ASIC2: variants seen among roughly 807,000 people sequenced by gnomAD.
ASIC2 encodes acid sensing ion channel subunit 2.
In ASIC2, 25 loss-of-function variants were observed where a neutral mutation model predicts 57.3. That is an observed-to-expected ratio of 0.44 (90% CI 0.32 to 0.61). ASIC2 has a LOEUF of 0.61. ASIC2 is among the 20% of genes least tolerant of loss of function. ASIC2 has a pLI of 0.06. For missense variants in ASIC2, 641 were observed against 738.1 expected (o/e 0.87, Z 1.52); for synonymous variants, 319 against 307.5 (o/e 1.04, Z -0.39).
At chr17:33,591,301 G>A (rs1271057574) in intron 1 of ASIC2, among the ~76,000 whole-genome samples, 1 of 152,140 alleles carries the variant, frequency 6.6e-6, no homozygotes, top group East Asian at 1.9e-4. Context: ...AGAGTCCCTG[G>A]ACCACTCTAG....
In ASIC2 at chr17:33,824,547, T is replaced by C. The variant is rs144003578; in HGVS notation, c.555+331431A>G. Among the ~76,000 whole-genome samples the C allele has an allele frequency of 2.6e-3, 399 of 152,320 alleles. 1 individual carries two copies. Among genetic ancestry groups the C allele is most frequent in the African/African-American group, 9.4e-3 (390 of 41,572 alleles). ...ATTGAAATATCACTCCTGCAACTTA[T>C]TTGCTGGTTAACCTTGGGCAAATCA... On this transcript the variant is annotated intron_variant, in intron 1 of 9. Coordinates refer to the ASIC2 transcript ENST00000359872.
At chr17:33,565,757 G>A (rs1240583151) in intron 1 of ASIC2, 2 of 152,252 alleles carry the variant, frequency 1.3e-5, no homozygotes, top group African/African-American at 4.8e-5. Context: ...TCTCTTCTAA[G>A]AGACTCATAA....
intron 1 of ASIC2, among the ~76,000 whole-genome samples, chr17:33,782,681 A>G (rs888152762): frequency 3.3e-5 from 5 of 152,226 alleles, no homozygotes; most frequent in Admixed American, 2.6e-4. Context: ...CTGAGCTGAG[A>G]TCATACCACT....
intron 1 of ASIC2, among the ~76,000 whole-genome samples, chr17:33,708,033 C>T (rs1270816080): frequency 1.3e-5 from 2 of 152,174 alleles, no homozygotes; most frequent in African/African-American, 2.4e-5. Context: ...TTATAAGTTC[C>T]TCTGGGTCAA....
intron 5 of ASIC2, 49 bp from the exon 6 acceptor site, chr17:33,024,063 T>A: frequency 6.2e-7 from 1 of 1,609,860 alleles, no homozygotes; most frequent in Non-Finnish European, 8.5e-7. Context: ...GCACTGGGAT[T>A]TCTAAGGGTC....
At chr17:33,915,254 C>T (rs1006193081) in intron 1 of ASIC2, among the ~76,000 whole-genome samples, 10 of 152,200 alleles carry the variant, frequency 6.6e-5, no homozygotes, top group African/African-American at 2.2e-4. Context: ...TACAGGTGTG[C>T]CTGGCTTTAA....
At chr17:33,878,492 G>C (rs1914611088) in intron 1 of ASIC2, among the ~76,000 whole-genome samples, 1 of 152,208 alleles carries the variant, frequency 6.6e-6, no homozygotes, top group South Asian at 2.1e-4. Context: ...CGATCAACTG[G>C]AAGAAAGGAG....
chr17:33,724,469 G>A (rs1198129630), intron 1 of ASIC2, among the ~76,000 whole-genome samples: 1 of 152,194 alleles, frequency 6.6e-6, no homozygotes, highest in East Asian at 1.9e-4. Context: ...AAGTAGATCG[G>A]GTAAAGGGTG....
intron 1 of ASIC2, among the ~76,000 whole-genome samples, chr17:34,074,322 C>T (rs771414775): frequency 2.0e-5 from 3 of 152,260 alleles, no homozygotes; most frequent in East Asian, 3.9e-4. Context: ...GTAATTCTAA[C>T]GATCCCCAAA....
intron 1 of ASIC2, among the ~76,000 whole-genome samples, chr17:34,025,144 G>A (rs943890688): frequency 3.9e-5 from 6 of 152,200 alleles, no homozygotes; most frequent in African/African-American, 1.4e-4. Context: ...CCTAGACCCT[G>A]CTCTGCCTCA....
chr17:33,644,670 T>C (rs1261000454), intron 1 of ASIC2, among the ~76,000 whole-genome samples: 1 of 152,374 alleles, frequency 6.6e-6, no homozygotes, highest in Admixed American at 6.5e-5. Context: ...TAAGGTATGT[T>C]TAGTATTACG....
chr17:33,717,605 C>A (rs189786135), intron 1 of ASIC2, among the ~76,000 whole-genome samples: 4 of 152,156 alleles, frequency 2.6e-5, no homozygotes. Flanking sequence ...GCTGCCATGA[C>A]GCCTGGCTTC....
intron 2 of ASIC2, among the ~76,000 whole-genome samples, chr17:33,097,672 G>T (rs559480276): frequency 1.8e-4 from 28 of 152,358 alleles, no homozygotes; most frequent in African/African-American, 5.5e-4. Context: ...AGCTGATAAA[G>T]TTCCAAGCTG....
chr17:33,688,624 G>A (rs536292684), intron 1 of ASIC2, among the ~76,000 whole-genome samples: 10 of 152,258 alleles, frequency 6.6e-5, no homozygotes, highest in African/African-American at 2.4e-4. Flanking sequence ...AAATGTTTGT[G>A]GATTGGATAA....
intron 1 of ASIC2, among the ~76,000 whole-genome samples, chr17:33,425,972 GGA>G (rs1911206266): frequency 6.6e-6 from 1 of 152,120 alleles, no homozygotes; most frequent in South Asian, 2.1e-4. Context: ...CAGGGACTCT[GGA>G]GAGAGAGGGG....
chr17:33,039,230 G>A (rs1357372861), intron 3 of ASIC2, among the ~76,000 whole-genome samples: 1 of 152,142 alleles, frequency 6.6e-6, no homozygotes, highest in Non-Finnish European at 1.5e-5. Context: ...GCTGTTCCAT[G>A]GTGCCACAGG....
chr17:33,655,374 AGTCT>A (rs1203769762), intron 1 of ASIC2, among the ~76,000 whole-genome samples: 6 of 152,170 alleles, frequency 3.9e-5, no homozygotes, highest in African/African-American at 1.4e-4. Flanking sequence ...AAATCCCAGA[AGTCT>A]GTCTGGGCTA....
At chr17:34,110,330 G>T (rs533484784) in intron 1 of ASIC2, among the ~76,000 whole-genome samples, 83 of 152,286 alleles carry the variant, frequency 5.5e-4, no homozygotes, top group African/African-American at 1.9e-3. Context: ...GGGAGCCAGG[G>T]CGCTGGCCTA....
chr17:33,763,471 C>T (rs943087772), intron 1 of ASIC2, among the ~76,000 whole-genome samples: 32 of 152,250 alleles, frequency 2.1e-4, no homozygotes, highest in Admixed American at 2.1e-3. Flanking sequence ...AGGGCCTTTT[C>T]CCTTCTCCTT....
Sources: allele counts gnomAD v4.1 joint callset (sites outside exome capture counted in the v4.1 genomes callset), GRCh38; gene constraint gnomAD v4.1.1; transcripts MANE v1.5; gene names NCBI Gene and HGNC (gene_info 2026-07-23, HGNC 2026-07-21).